The following CBLN1 variants were observed in gnomAD, a reference collection of about 807,000 sequenced individuals.
The protein encoded by CBLN1 is cerebellin-1.
In CBLN1, 5 loss-of-function variants were observed where a neutral mutation model predicts 15.9. The ratio of observed to expected loss-of-function variants is 0.31; its 90% CI spans 0.16 to 0.66. The LOEUF is 0.66. CBLN1 is among the 30% of genes least tolerant of loss of function. The probability of loss-of-function intolerance (pLI) is 0.75; values close to 1 mark genes in which losing one functional copy is unlikely to be tolerated. For missense variants in CBLN1, 164 were observed against 253.7 expected (o/e 0.65, Z 2.40); for synonymous variants, 90 against 107.6 (o/e 0.84, Z 1.01).
rs1963307953 is a variant in CBLN1 at position 49,281,702 on chromosome 16, C to T, written c.-237G>A. 1.3e-5 allele frequency: 5 copies of T among 380,966 alleles called. No individual in the cohort carries two copies. In the Admixed American group the frequency reaches 1.9e-4, roughly 14 times the overall value. The allele number at this position is 380,966 out of a possible 1,614,324, so 23.6% of individuals were successfully genotyped here. ...CGGGCCTCAGGGGTGCCGCGGCTGC[C>T]CAGCCGCACTTGGATGCATAGCCGC... On this transcript the variant is annotated 5_prime_UTR_variant, in exon 1 of 3. Transcript: ENST00000219197.
intron 2 of CBLN1, among the ~76,000 whole-genome samples, chr16:49,280,317 C>G (rs1207031666): frequency 6.6e-6 from 1 of 152,190 alleles, no homozygotes; most frequent in East Asian, 1.9e-4. Context: ...TTTGGGGACC[C>G]GGAGAGCCGG....
In CBLN1 at chr16:49,279,254, G is replaced by T; in HGVS notation, c.*150C>A. The T allele has an allele frequency of 1.5e-6, 1 of 689,320 alleles. No homozygotes were observed. The highest frequency in any genetic ancestry group is 2.5e-6 in the Non-Finnish European group (1 of 406,578). 42.7% of individuals were successfully genotyped at this position (689,320 alleles called of 1,614,324 possible). On this transcript the variant is annotated 3_prime_UTR_variant, in exon 3 of 3. Transcript: ENST00000219197. Reference sequence around the variant, plus strand: ...AGGAAATGGACAAAGTTGTCCCACAGCTGGCGCGCACCTTTTTACCCAGAT... The same window carrying T: ...AGGAAATGGACAAAGTTGTCCCACATCTGGCGCGCACCTTTTTACCCAGAT...
rs1229496309 is a variant in CBLN1, at chr16:49,281,826, G to C, written c.-361C>G. On this transcript the variant is annotated 5_prime_UTR_variant, in exon 1 of 3. Coordinates refer to ENST00000219197, the MANE Select transcript of CBLN1 (RefSeq NM_004352.4). ...TATTGATGCAGCCGGCGCTGCAGCCGGAGCGGGCGGAGAGCGCGCGCCGGG... is the reference window on the plus strand; with the variant it reads ...TATTGATGCAGCCGGCGCTGCAGCCCGAGCGGGCGGAGAGCGCGCGCCGGG... The C allele has an allele frequency of 4.6e-5, 9 of 195,512 alleles. No individual in the cohort carries two copies. Among genetic ancestry groups the C allele is most frequent in the Non-Finnish European group, 8.3e-5 (8 of 96,710 alleles). 12.1% of individuals were successfully genotyped at this position (195,512 alleles called of 1,614,324 possible).
chr16:49,280,127 C>G (rs1963244563), intron 2 of CBLN1, among the ~76,000 whole-genome samples: 1 of 152,150 alleles, frequency 6.6e-6, no homozygotes, highest in Admixed American at 6.5e-5. Flanking sequence ...TTAGAAGTCT[C>G]GCACCGAGCG....
Position 49,281,527 on chromosome 16 carries a change from C to T in CBLN1, c.-62G>A, listed in dbSNP as rs1036963244. The T allele has an allele frequency of 1.5e-4, 180 of 1,209,720 alleles. 1 individual carries two copies. In the African/African-American group the frequency reaches 2.5e-3, roughly 17 times the overall value. The allele number at this position is 1,209,720 out of a possible 1,614,324, so 74.9% of individuals were successfully genotyped here. Reference sequence around the variant, plus strand: ...GGCTGCTCGCGCCAGCCGCCCCCCCCGTCCCAGTCCCGCTCCGAAGCCCCC... The same window carrying T: ...GGCTGCTCGCGCCAGCCGCCCCCCCTGTCCCAGTCCCGCTCCGAAGCCCCC... On this transcript the variant is annotated 5_prime_UTR_variant, in exon 1 of 3. Transcript: ENST00000219197.
Position 49,281,447 on chromosome 16 carries a change from G to C in CBLN1, c.19C>G (p.Leu7Val). Residue 7 changes from leucine (L) to valine (V), a missense_variant, in exon 1 of 3, where the codon CTG (leucine) becomes GTG (valine). Physicochemically the swap from Leu to Val is conservative, Grantham distance 32. Transcript: ENST00000219197. Reference sequence around the variant, plus strand: ...AGCCACGCAGCCCCCAGCAGCAGCAGCTCCAGGACGCCCAGCATCGCGCCG... The same window carrying C: ...AGCCACGCAGCCCCCAGCAGCAGCACCTCCAGGACGCCCAGCATCGCGCCG... MLGVLE[L>V]LLLGAAWLAG... 1.3e-6 allele frequency: 2 copies of C among 1,569,544 alleles called. No individual in the cohort carries two copies. Among genetic ancestry groups the C allele is most frequent in the Non-Finnish European group, 1.7e-6 (2 of 1,166,326 alleles).
chr16:49,279,698 AG>A, intron 2 of CBLN1, 97 bp from the exon 3 acceptor site: 1 of 467,366 alleles, frequency 2.1e-6, no homozygotes, highest in Non-Finnish European at 3.8e-6. Flanking sequence ...ACAGCCTGTA[AG>A]GCCTGGAAGC....
chr16:49,281,562 C>A lies in CBLN1; in HGVS notation c.-97G>T. ...CCGCTCCGAAGCCCCCTCCTCAGCT[C>A]CGTGCGCAGCTCCGCCGCCGCCGCT... On this transcript the variant is annotated 5_prime_UTR_variant, in exon 1 of 3. Transcript: ENST00000219197. 1.2e-6 allele frequency: 1 copy of A among 806,426 alleles called. No homozygotes were observed. The highest frequency in any genetic ancestry group is 1.7e-6 in the Non-Finnish European group (1 of 584,166). The allele number at this position is 806,426 out of a possible 1,614,324, so 50.0% of individuals were successfully genotyped here. A position where few individuals can be genotyped will look rare whatever the true frequency, so the allele number is the denominator to read the frequency against.
At chr16:49,279,731 G>GA in intron 2 of CBLN1, 130 bp from the exon 3 acceptor site, 1 of 655,434 alleles carries the variant, frequency 1.5e-6, no homozygotes, top group Non-Finnish European at 2.5e-6. Context: ...GGGGGTGGGG[G>GA]GGGCGAATGG....
Position 49,281,057 on chromosome 16 carries a change from G to C in CBLN1, c.265-15C>G, listed in dbSNP as rs1479832321. Reference sequence around the variant, plus strand: ...TTCACTAGTACCTATAACGAGACGGGAACGAAGGGGAGTGGGCAGGAATCG... The same window carrying C: ...TTCACTAGTACCTATAACGAGACGGCAACGAAGGGGAGTGGGCAGGAATCG... On this transcript the variant is annotated splice_polypyrimidine_tract_variant and intron_variant, in intron 1 of 2. Transcript: ENST00000219197. The C allele has an allele frequency of 6.2e-7, 1 of 1,614,258 alleles. No individual in the cohort carries two copies. The highest frequency in any genetic ancestry group is 2.2e-5 in the East Asian group (1 of 44,874).
At position 49,281,618 on chromosome 16, in the gene CBLN1, GGACTAGCGTCCCCTCCGC is replaced by G. The variant is rs1180091987; in HGVS notation, c.-171_-154del. Reference sequence around the variant, plus strand: ...CACTACACCTCTTCCTCGCACTCCGGGACTAGCGTCCCCTCCGCGACTAGCGTCCCCTCCGCGCTGTGT... The same window carrying G: ...CACTACACCTCTTCCTCGCACTCCGGGACTAGCGTCCCCTCCGCGCTGTGT... On this transcript the variant is annotated 5_prime_UTR_variant, in exon 1 of 3. Coordinates refer to ENST00000219197, the MANE Select transcript of CBLN1 (RefSeq NM_004352.4). 7.9e-5 allele frequency: 35 copies of G among 441,262 alleles called. No individual in the cohort carries two copies. Among genetic ancestry groups the G allele is most frequent in the Non-Finnish European group, 1.1e-4 (28 of 266,544 alleles). The allele number at this position is 441,262 out of a possible 1,614,324, so 27.3% of individuals were successfully genotyped here.
At chr16:49,281,137 C>T (rs1202570589) in intron 1 of CBLN1, 65 bp downstream of exon 1, 2 of 1,613,950 alleles carry the variant, frequency 1.2e-6, no homozygotes, top group Admixed American at 3.3e-5. Flanking sequence ...GACCGGGCAT[C>T]GGTCTTCCAT....
rs1963265694 is a variant in CBLN1, at chr16:49,280,782, GA to G, written c.384+140del. 3.5e-6 allele frequency: 3 copies of G among 850,004 alleles called. No individual in the cohort carries two copies. The East Asian group carries it at 7.4e-5, about 21-fold the overall frequency. The allele number at this position is 850,004 out of a possible 1,614,324, so 52.7% of individuals were successfully genotyped here. On this transcript the variant is annotated intron_variant, in intron 2 of 2. Transcript: ENST00000219197. ...AGGACAGTTGAAGCCACAGAACTGA[GA>G]GGCCCCGCTATCTGTCCCTCCAAGC...
rs1333639486 is a variant in CBLN1, at chr16:49,281,584, C to T, written c.-119G>A. ...GCTCCGTGCGCAGCTCCGCCGCCGC[C>T]GCTCTGGACACTACACCTCTTCCTC... On this transcript the variant is annotated 5_prime_UTR_variant, in exon 1 of 3. Transcript: ENST00000219197. 3.4e-6 allele frequency: 2 copies of T among 580,628 alleles called. No individual in the cohort carries two copies. The highest frequency in any genetic ancestry group is 3.9e-5 in the African/African-American group (2 of 50,654). The allele number at this position is 580,628 out of a possible 1,614,324, so 36.0% of individuals were successfully genotyped here.
intron 1 of CBLN1, 56 bp from the exon 2 acceptor site, chr16:49,281,098 C>T (rs1963279513): frequency 6.2e-7 from 1 of 1,614,012 alleles, no homozygotes; most frequent in Admixed American, 1.7e-5. Flanking sequence ...GGACTGTCGT[C>T]CCCGCGCCTC....
rs1288235653 is a variant in CBLN1 at position 49,278,980 on chromosome 16, G to C, written c.*424C>G. ...CCCCTTTCCAAACTGAAAAAAAAAA[G>C]GTTGGGGGTGTGTAATATATCAGAT... On this transcript the variant is annotated 3_prime_UTR_variant, in exon 3 of 3. Transcript: ENST00000219197. 6.2e-6 allele frequency: 1 copy of C among 160,168 alleles called. No homozygotes were observed. The highest frequency in any genetic ancestry group is 1.3e-5 in the Non-Finnish European group (1 of 74,270). 9.9% of individuals were successfully genotyped at this position (160,168 alleles called of 1,614,324 possible). A position where few individuals can be genotyped will look rare whatever the true frequency, so the allele number is the denominator to read the frequency against.
chr16:49,281,624 G>C lies in CBLN1; in HGVS notation c.-159C>G. The C allele has an allele frequency of 2.3e-6, 1 of 436,232 alleles. No homozygotes were observed. The highest frequency in any genetic ancestry group is 3.8e-6 in the Non-Finnish European group (1 of 260,968). The allele number at this position is 436,232 out of a possible 1,614,324, so 27.0% of individuals were successfully genotyped here. A position where few individuals can be genotyped will look rare whatever the true frequency, so the allele number is the denominator to read the frequency against. On this transcript the variant is annotated 5_prime_UTR_variant, in exon 1 of 3. Coordinates refer to ENST00000219197, the MANE Select transcript of CBLN1 (RefSeq NM_004352.4). ...ACCTCTTCCTCGCACTCCGGGACTA[G>C]CGTCCCCTCCGCGACTAGCGTCCCC...
rs1963226268 is a variant in CBLN1, at chr16:49,278,812, G to A, written c.*592C>T. ...TTTAAACCAGTCACCACTAAGGTGA[G>A]TCCTTTCTCTGCTAACAAGCAGCCG... is the stretch of plus-strand genomic sequence containing the variant. On this transcript the variant is annotated 3_prime_UTR_variant, in exon 3 of 3. Transcript: ENST00000219197. 6.6e-6 allele frequency: 1 copy of A among 152,530 alleles called. No homozygotes were observed. Among genetic ancestry groups the A allele is most frequent in the Non-Finnish European group, 1.5e-5 (1 of 68,350 alleles). 9.4% of individuals were successfully genotyped at this position (152,530 alleles called of 1,614,324 possible). A position where few individuals can be genotyped will look rare whatever the true frequency, so the allele number is the denominator to read the frequency against.
At position 49,281,118 on chromosome 16, in the gene CBLN1, C is replaced by T. The variant is rs766761072; in HGVS notation, c.265-76G>A. The T allele has an allele frequency of 2.5e-6, 4 of 1,614,076 alleles. No homozygotes were observed. In the South Asian group the frequency reaches 4.4e-5, roughly 18 times the overall value. On this transcript the variant is annotated intron_variant, in intron 1 of 2. Transcript: ENST00000219197. ...GTCGTCCCCGCGCCTCCGCAGAGCC[C>T]TTGGAGAGGACCGGGCATCGGTCTT...
Sources: gnomAD v4.1 joint callset for allele counts (sites outside exome capture counted in the v4.1 genomes callset) on GRCh38, gnomAD v4.1.1 for gene constraint, MANE v1.5 for transcripts, NCBI Gene and HGNC (gene_info 2026-07-23, HGNC 2026-07-21) for gene names.